The following SRBD1 variants were observed in gnomAD, a reference collection of about 807,000 sequenced individuals.
The protein encoded by SRBD1 is S1 RNA-binding domain-containing protein 1.
In SRBD1, 88 loss-of-function variants were observed where a neutral mutation model predicts 115.3. The observed-to-expected ratio is 0.76, with a 90% CI of 0.64 to 0.91. The LOEUF (loss-of-function observed/expected upper bound fraction) is 0.91. Among genes scored for constraint, SRBD1 ranks in the 40% least tolerant of loss-of-function variants. The pLI, the probability that SRBD1 is intolerant of heterozygous loss-of-function variation, is 0.00. For synonymous variants in SRBD1, 509 were observed against 407.7 expected (o/e 1.25, Z -2.99); for missense variants, 1,385 against 1,177.4 (o/e 1.18, Z -2.58).
At position 45,537,493 on chromosome 2, in the gene SRBD1, C is replaced by G. The variant is rs544653386; in HGVS notation, c.1874+9239G>C. On this transcript the variant is annotated intron_variant, in intron 14 of 20. Coordinates refer to ENST00000263736, the MANE Select transcript of SRBD1 (RefSeq NM_018079.5). ...CTGTGCCTGTAACATAGTCTTGGTT[C>G]TGAGGGATACTCTGCTGACTGGATG... Among the ~76,000 whole-genome samples, 3 of 152,224 alleles carry G rather than the reference C, an allele frequency of 2.0e-5. No individual in the cohort carries two copies. The South Asian group carries it at 6.2e-4, about 32-fold the overall frequency.
At chr2:45,511,466 C>T (rs549837247) in intron 14 of SRBD1, among the ~76,000 whole-genome samples, 1 of 152,112 alleles carries the variant, frequency 6.6e-6, no homozygotes, top group Admixed American at 6.5e-5. Flanking sequence ...TGAACTTCCC[C>T]CAAAAAGTTC....
At chr2:45,512,989 AC>A (rs747479773) in intron 14 of SRBD1, among the ~76,000 whole-genome samples, 1 of 152,094 alleles carries the variant, frequency 6.6e-6, no homozygotes, top group Non-Finnish European at 1.5e-5. Context: ...CACACAAATT[AC>A]CCCCAGAACA....
At position 45,393,133 on chromosome 2, in the gene SRBD1, C is replaced by T. The variant is rs777905535; in HGVS notation, c.2514-4G>A. On this transcript the variant is annotated splice_region_variant and splice_polypyrimidine_tract_variant and intron_variant, in intron 19 of 20. Transcript: ENST00000263736. ...CCCTCCAATGGATGACAAAAACCTG[C>T]AGTGGAAAAAATAAAAAGCGCAACA... The T allele has an allele frequency of 8.8e-6, 14 of 1,593,906 alleles. No homozygotes were observed. The East Asian group carries it at 2.7e-4, about 31-fold the overall frequency.
rs1666930118 is a variant in SRBD1 at position 45,389,263 on chromosome 2, C to T, written c.*47G>A. The T allele has an allele frequency of 1.3e-6, 2 of 1,583,092 alleles. No individual in the cohort carries two copies. Among genetic ancestry groups the T allele is most frequent in the African/African-American group, 2.7e-5 (2 of 73,732 alleles). Reference sequence around the variant, plus strand: ...AAACAACTGACTTATCCTTGTCAATCTGTGGAAATGAGAAAATAAAATCAG... The same window carrying T: ...AAACAACTGACTTATCCTTGTCAATTTGTGGAAATGAGAAAATAAAATCAG... On this transcript the variant is annotated 3_prime_UTR_variant, in exon 21 of 21. Coordinates refer to ENST00000263736, the MANE Select transcript of SRBD1 (RefSeq NM_018079.5).
At position 45,581,805 on chromosome 2, in the gene SRBD1, A is replaced by G. The variant is rs1558493330; in HGVS notation, c.821T>C (p.Val274Ala). 6.2e-7 allele frequency: 1 copy of G among 1,610,556 alleles called. No individual in the cohort carries two copies. The highest frequency in any genetic ancestry group is 8.5e-7 in the Non-Finnish European group (1 of 1,178,428). ...GATTGTACTATGAACTTTCTTTGCA[A>G]CAGCCCTGAAAAGAGAAACTTTTGT... ...VQQTLEELRAVAKKVHSTIQK... is the reference protein window; with the variant it reads ...VQQTLEELRAAAKKVHSTIQK... The change falls in exon 6 of 21, where the codon GTT becomes GCT. Residue 274 changes from valine to alanine, a missense_variant. Coordinates refer to ENST00000263736, the MANE Select transcript of SRBD1 (RefSeq NM_018079.5).
chr2:45,509,362 C>T (rs1016018059), intron 14 of SRBD1, among the ~76,000 whole-genome samples: 4 of 151,832 alleles, frequency 2.6e-5, no homozygotes, highest in Non-Finnish European at 4.4e-5. Context: ...TTTGAGAGGC[C>T]GAGGCGGGCG....
chr2:45,570,969 C>A (rs765276135), intron 9 of SRBD1, among the ~76,000 whole-genome samples: 50 of 151,988 alleles, frequency 3.3e-4, no homozygotes, highest in Non-Finnish European at 5.4e-4. Context: ...ACAGGAGCAA[C>A]TAACACAGAG....
intron 16 of SRBD1, 80 bp from the exon 17 acceptor site, chr2:45,419,974 G>A: frequency 1.6e-6 from 2 of 1,253,358 alleles, no homozygotes; most frequent in Non-Finnish European, 1.2e-6. Context: ...TATATTACTG[G>A]TGGTTAGCTA....
At chr2:45,588,728 T>A (rs1411098166) in intron 4 of SRBD1, among the ~76,000 whole-genome samples, 1 of 152,190 alleles carries the variant, frequency 6.6e-6, no homozygotes, top group Non-Finnish European at 1.5e-5. Context: ...AAAGTTAAGA[T>A]TTGGGCTGGA....
In SRBD1 at chr2:45,419,828, C is replaced by G. The variant is rs757062278; in HGVS notation, c.2116G>C (p.Val706Leu). The change falls in exon 17 of 21, where the codon GTG (valine) becomes CTG (leucine). Residue 706 changes from valine to leucine, a missense_variant. By Grantham distance (32) the Val-to-Leu change is conservative. Coordinates refer to ENST00000263736, the MANE Select transcript of SRBD1 (RefSeq NM_018079.5). ...GAACAGATGTTAATATCCACTCCCACAAAGCTGACACATTCTTCTACAACA... is the reference window on the plus strand; with the variant it reads ...GAACAGATGTTAATATCCACTCCCAGAAAGCTGACACATTCTTCTACAACA... The part of the protein sequence containing the change: ...DSVVEECVSF[V>L]GVDINICSEV... 6.2e-7 allele frequency: 1 copy of G among 1,613,872 alleles called. No individual in the cohort carries two copies. Among genetic ancestry groups the G allele is most frequent in the East Asian group, 2.2e-5 (1 of 44,866 alleles).
chr2:45,530,141 G>A (rs1671568667), intron 14 of SRBD1, among the ~76,000 whole-genome samples: 1 of 151,972 alleles, frequency 6.6e-6, no homozygotes, highest in South Asian at 2.1e-4. Flanking sequence ...GCTTCAAAAG[G>A]TAGTGGGAAT....
chr2:45,551,169 G>A lies in SRBD1; in HGVS notation c.1631C>T (p.Pro544Leu). ...VPGRTLMGVD[P>L]GYKHGCKLAI... ...TAATTTGCAACCATGTTTATAACCA[G>A]GATCCACTCCCATTAAGGTGCGCCC... The change falls in exon 12 of 21, where the codon CCT becomes CTT. Residue 544 changes from proline (P) to leucine (L), a missense_variant. By Grantham distance (98) the Pro-to-Leu change is moderately conservative (BLOSUM62 -3). Transcript: ENST00000263736. The A allele has an allele frequency of 1.2e-6, 2 of 1,608,478 alleles. No individual in the cohort carries two copies. The highest frequency in any genetic ancestry group is 1.7e-6 in the Non-Finnish European group (2 of 1,178,770).
chr2:45,500,451 C>G (rs567549772), intron 14 of SRBD1, among the ~76,000 whole-genome samples: 2 of 151,112 alleles, frequency 1.3e-5, no homozygotes, highest in Admixed American at 1.3e-4. Context: ...AAGACAAGGT[C>G]TGGCTCTATT....
chr2:45,446,591 C>T (rs1255750206), intron 16 of SRBD1, among the ~76,000 whole-genome samples: 2 of 151,584 alleles, frequency 1.3e-5, no homozygotes, highest in Non-Finnish European at 2.9e-5. Flanking sequence ...AAATATATAG[C>T]AAAAGATAAT....
intron 16 of SRBD1, among the ~76,000 whole-genome samples, chr2:45,421,950 T>G (rs1462694662): frequency 6.6e-6 from 1 of 152,182 alleles, no homozygotes; most frequent in African/African-American, 2.4e-5. Context: ...TACTGAGAAC[T>G]TGGTTACTCT....
chr2:45,611,045 G>T (rs1221259117), intron 1 of SRBD1, among the ~76,000 whole-genome samples, 174 bp downstream of exon 1: 1 of 152,188 alleles, frequency 6.6e-6, no homozygotes, highest in Non-Finnish European at 1.5e-5. Flanking sequence ...TCGGGTGGTC[G>T]GTTGTGAGAG....
intron 10 of SRBD1, among the ~76,000 whole-genome samples, chr2:45,557,445 G>A (rs1211597994): frequency 6.6e-6 from 1 of 152,148 alleles, no homozygotes; most frequent in Non-Finnish European, 1.5e-5. Context: ...ACCCCCAGTA[G>A]TCTTCTTCAA....
At chr2:45,485,247 G>C (rs764374912) in intron 15 of SRBD1, among the ~76,000 whole-genome samples, 1 of 152,130 alleles carries the variant, frequency 6.6e-6, no homozygotes, top group Non-Finnish European at 1.5e-5. Flanking sequence ...TAGGGGTTTC[G>C]TGATCCATCC....
chr2:45,602,156 AT>A, intron 2 of SRBD1, 73 bp from the exon 3 acceptor site: 2 of 1,504,136 alleles, frequency 1.3e-6, no homozygotes, highest in Non-Finnish European at 1.8e-6. Context: ...GAGATGCAAG[AT>A]TCTTGAAAAA....
Sources: gnomAD v4.1 joint callset for allele counts (sites outside exome capture counted in the v4.1 genomes callset) on GRCh38, gnomAD v4.1.1 for gene constraint, MANE v1.5 for transcripts, NCBI Gene and HGNC (gene_info 2026-07-23, HGNC 2026-07-21) for gene names.